The following POLN variants were observed in gnomAD, a reference collection of about 807,000 sequenced individuals.
The protein encoded by POLN is DNA polymerase N.
Under a neutral mutation model 113.5 loss-of-function variants are expected in POLN, and 108 were observed. The ratio of observed to expected loss-of-function variants is 0.95; its 90% CI spans 0.81 to 1.12. The LOEUF is 1.12. POLN is among the 50% of genes most tolerant of loss of function. The pLI is 0.00. For missense variants in POLN, 1,097 were observed against 1,077.1 expected (o/e 1.02, Z -0.26); for synonymous variants, 386 against 391.5 (o/e 0.99, Z 0.17).
rs1443660945 is a variant in POLN at position 2,126,897 on chromosome 4, T to TC, written c.1982+1215dup. On this transcript the variant is annotated intron_variant, in intron 19 of 25. Transcript: ENST00000511885. The surrounding 1 kb of genome is among the most constrained non-coding windows in gnomAD (Gnocchi z 4.6). ...AGAGAGCAGCCAGAGCCCTCGCAGG[T>TC]CCCCCGCCTTCAGCAAAGACAGAGG... is the stretch of plus-strand genomic sequence containing the variant. 6.6e-6 allele frequency among the ~76,000 whole-genome samples: 1 copy of TC among 151,518 alleles called. No individual in the cohort carries two copies. Among genetic ancestry groups the TC allele is most frequent in the African/African-American group, 2.4e-5 (1 of 41,182 alleles).
intron 19 of POLN, among the ~76,000 whole-genome samples, chr4:2,103,209 C>A (rs1020700195): frequency 6.6e-6 from 1 of 151,974 alleles, no homozygotes; most frequent in African/African-American, 2.4e-5. Context: ...AAAATTAATT[C>A]ACAAATGAGA....
intron 6 of POLN, among the ~76,000 whole-genome samples, chr4:2,198,245 G>T (rs1186777606): frequency 1.3e-5 from 2 of 152,200 alleles, no homozygotes; most frequent in Admixed American, 6.5e-5. Context: ...TTCAGGGTCT[G>T]GGGGTGATGC....
intron 21 of POLN, among the ~76,000 whole-genome samples, chr4:2,083,382 T>A (rs1255779745): frequency 6.6e-6 from 1 of 152,160 alleles, no homozygotes; most frequent in African/African-American, 2.4e-5. Flanking sequence ...ACTCAACTCA[T>A]TTGCCTCTTT....
rs184319357 is a variant in POLN at position 2,107,614 on chromosome 4, C to A, written c.1983-11681G>T. Among the ~76,000 whole-genome samples, 88 of 152,226 alleles carry A rather than the reference C, an allele frequency of 5.8e-4. No homozygotes were observed. In the Middle Eastern group the frequency reaches 0.017, roughly 29 times the overall value. On this transcript the variant is annotated intron_variant, in intron 19 of 25. Coordinates refer to ENST00000511885, the MANE Select transcript of POLN (RefSeq NM_181808.4). ...ATGTGGGAGATAACGAAGGCCTGATCTGAGGTTGTGGAAACGCGAAGAGAG... is the reference window on the plus strand; with the variant it reads ...ATGTGGGAGATAACGAAGGCCTGATATGAGGTTGTGGAAACGCGAAGAGAG...
At chr4:2,077,491 C>G (rs1401222160) in intron 23 of POLN, among the ~76,000 whole-genome samples, 1 of 152,184 alleles carries the variant, frequency 6.6e-6, no homozygotes, top group Non-Finnish European at 1.5e-5. Flanking sequence ...AGCCTCTGGC[C>G]AGGGGCCGTG....
intron 6 of POLN, among the ~76,000 whole-genome samples, chr4:2,195,430 G>A (rs1452003092): frequency 6.6e-6 from 1 of 151,376 alleles, no homozygotes; most frequent in Non-Finnish European, 1.5e-5. Context: ...CATACAGGGT[G>A]GTCAAGGAAG....
chr4:2,205,689 A>G (rs899620475), intron 5 of POLN, among the ~76,000 whole-genome samples: 8 of 152,140 alleles, frequency 5.3e-5, no homozygotes, highest in African/African-American at 1.7e-4. Flanking sequence ...CCTGGTCAAT[A>G]TGGTGAAACC....
intron 13 of POLN, among the ~76,000 whole-genome samples, chr4:2,168,596 T>G (rs1054851897): frequency 6.6e-6 from 1 of 152,208 alleles, no homozygotes; most frequent in African/African-American, 2.4e-5. Context: ...CTTGCACTGT[T>G]GGTTGTCTGG....
chr4:2,164,739 G>A (rs933333089), intron 13 of POLN, among the ~76,000 whole-genome samples: 13 of 140,848 alleles, frequency 9.2e-5, no homozygotes, highest in East Asian at 2.2e-4. Context: ...GGAGGTGGAC[G>A]TTGCAGGGAG....
At chr4:2,142,079 CTTCCTTTA>C (rs1046971351) in intron 16 of POLN, among the ~76,000 whole-genome samples, 3 of 152,366 alleles carry the variant, frequency 2.0e-5, no homozygotes, top group African/African-American at 7.2e-5. Context: ...TACTCAATGG[CTTCCTTTA>C]TAATGTTAAA....
At chr4:2,128,812 T>C (rs2108724732) in intron 18 of POLN, among the ~76,000 whole-genome samples, 1 of 152,284 alleles carries the variant, frequency 6.6e-6, no homozygotes, top group Non-Finnish European at 1.5e-5. Context: ...CCCAGCACTT[T>C]GGGAGGCCAA....
chr4:2,122,969 A>G (rs1352726964), intron 19 of POLN, among the ~76,000 whole-genome samples: 1 of 151,424 alleles, frequency 6.6e-6, no homozygotes, highest in Admixed American at 6.6e-5. Context: ...CCTAGGCAAC[A>G]TAGGAAGACA....
chr4:2,085,550 G>A, intron 21 of POLN, 63 bp downstream of exon 21: 1 of 1,598,474 alleles, frequency 6.3e-7, no homozygotes, highest in Non-Finnish European at 8.5e-7. Flanking sequence ...CCACGCAGCT[G>A]TCCCCCCATC....
intron 16 of POLN, among the ~76,000 whole-genome samples, chr4:2,133,961 T>C (rs1731790041): frequency 6.6e-6 from 1 of 152,238 alleles, no homozygotes; most frequent in South Asian, 2.1e-4. Flanking sequence ...TCATACAAAA[T>C]AGTTTTACCG....
intron 13 of POLN, among the ~76,000 whole-genome samples, chr4:2,164,507 A>G (rs1732678912): frequency 6.7e-6 from 1 of 149,322 alleles, no homozygotes; most frequent in African/African-American, 2.5e-5. Context: ...GTCTCAAAAA[A>G]AAAAAAAAAA....
intron 19 of POLN, among the ~76,000 whole-genome samples, chr4:2,098,896 G>A (rs1402220402): frequency 7.0e-6 from 1 of 143,616 alleles, no homozygotes; most frequent in Non-Finnish European, 1.5e-5. Flanking sequence ...TGATAAATGT[G>A]TGTGCACATG....
chr4:2,100,594 T>TG (rs1011404299), intron 19 of POLN, among the ~76,000 whole-genome samples: 2 of 152,268 alleles, frequency 1.3e-5, no homozygotes, highest in Middle Eastern at 3.4e-3. Flanking sequence ...TCGGGAGGAC[T>TG]GGGGGGTGAA....
At chr4:2,117,634 A>C (rs1731348802) in intron 19 of POLN, among the ~76,000 whole-genome samples, 1 of 152,198 alleles carries the variant, frequency 6.6e-6, no homozygotes, top group African/African-American at 2.4e-5. Context: ...TGGAAAGGGG[A>C]AGAATGTGAG....
intron 16 of POLN, among the ~76,000 whole-genome samples, chr4:2,152,263 C>T (rs1732315007): frequency 6.6e-6 from 1 of 151,584 alleles, no homozygotes; most frequent in Non-Finnish European, 1.5e-5. Flanking sequence ...GTCTCGAACT[C>T]CTGAGCTCAA....
Sources: allele counts gnomAD v4.1 joint callset (sites outside exome capture counted in the v4.1 genomes callset), GRCh38; gene constraint gnomAD v4.1.1; non-coding constraint Gnocchi (gnomAD v3.1); transcripts MANE v1.5; gene names NCBI Gene and HGNC (gene_info 2026-07-23, HGNC 2026-07-21).